TBC1D2: variants seen among roughly 807,000 people sequenced by gnomAD.
TBC1D2 encodes the protein TBC1 domain family member 2, also known as TBC1 domain family member 2A.
TBC1D2 carries 58 observed loss-of-function variants against 91.1 expected under a neutral mutation model. The ratio of observed to expected loss-of-function variants is 0.64; its 90% CI spans 0.52 to 0.79. The LOEUF (loss-of-function observed/expected upper bound fraction) is 0.79. Ranked by LOEUF, TBC1D2 falls within the 30% of genes least tolerant of loss-of-function variation. The pLI is 0.00. For missense variants in TBC1D2, 1,080 were observed against 1,208.3 expected (o/e 0.89, Z 1.57); for synonymous variants, 482 against 511.5 (o/e 0.94, Z 0.78).
rs1217104058 is a variant in TBC1D2 at position 98,199,599 on chromosome 9, G to T, written c.2580-11C>A. On this transcript the variant is annotated splice_polypyrimidine_tract_variant and intron_variant, in intron 12 of 12. Coordinates refer to ENST00000465784, the MANE Select transcript of TBC1D2 (RefSeq NM_001267571.2). ...ATGTTCATCAGCTTCCTGGGAGGAG[G>T]GCACAATCAGCCCAGAGCACGTCAC... The T allele has an allele frequency of 1.2e-6, 2 of 1,613,626 alleles. No individual in the cohort carries two copies. Among genetic ancestry groups the T allele is most frequent in the Non-Finnish European group, 1.7e-6 (2 of 1,179,994 alleles).
chr9:98,240,975 A>G (rs1405241630), intron 3 of TBC1D2, among the ~76,000 whole-genome samples: 1 of 152,156 alleles, frequency 6.6e-6, no homozygotes. Flanking sequence ...CTTGTTCTGA[A>G]AGGATAACCT....
chr9:98,233,649 C>T (rs934229543), intron 3 of TBC1D2, 100 bp from the exon 4 acceptor site: 2 of 1,530,870 alleles, frequency 1.3e-6, no homozygotes, highest in South Asian at 1.3e-5. Context: ...CTCATCCCCA[C>T]ACCCTGTCAT....
intron 6 of TBC1D2, 158 bp from the exon 7 acceptor site, chr9:98,213,376 A>G: frequency 3.5e-6 from 5 of 1,447,794 alleles, no homozygotes; most frequent in Non-Finnish European, 4.5e-6. Context: ...AAATACTCAT[A>G]GCACCCTTCT....
At chr9:98,242,895 CT>C (rs1387778125) in intron 3 of TBC1D2, among the ~76,000 whole-genome samples, 1 of 146,046 alleles carries the variant, frequency 6.8e-6, no homozygotes, top group African/African-American at 2.6e-5. Flanking sequence ...TTACTGCAGC[CT>C]TGACTTCCTG....
chr9:98,199,669 C>T (rs1828433709), intron 12 of TBC1D2, 81 bp from the exon 13 acceptor site: 7 of 1,459,908 alleles, frequency 4.8e-6, no homozygotes, highest in Middle Eastern at 3.5e-4. Flanking sequence ...CAGACATCCC[C>T]GCATTCCTTC....
chr9:98,223,820 A>G (rs1224969054), intron 5 of TBC1D2, among the ~76,000 whole-genome samples: 2 of 152,240 alleles, frequency 1.3e-5, no homozygotes, highest in African/African-American at 4.8e-5. Flanking sequence ...GAGCCTCAGT[A>G]GGACTTGTAA....
At chr9:98,201,783 C>T (rs1326451828) in intron 10 of TBC1D2, 119 bp from the exon 11 acceptor site, 1 of 1,033,416 alleles carries the variant, frequency 9.7e-7, no homozygotes, top group African/African-American at 1.6e-5. Flanking sequence ...TGGGCAGGTC[C>T]TTTCCTGCCC....
rs187331523 is a variant in TBC1D2 at position 98,247,050 on chromosome 9, G to A, written c.512-2921C>T. Among the ~76,000 whole-genome samples the A allele has an allele frequency of 3.9e-5, 6 of 152,034 alleles. No homozygotes were observed. The East Asian group carries it at 1.2e-3, about 29-fold the overall frequency. The stretch of plus-strand genomic sequence containing the variant: ...TAAAAAAAAAAAAAAATCAAGGGCC[G>A]GGCGCAGTGGCTCATGCCTGTAATC... On this transcript the variant is annotated intron_variant, in intron 2 of 12. Transcript: ENST00000465784.
intron 3 of TBC1D2, among the ~76,000 whole-genome samples, chr9:98,235,979 G>A (rs1455878522): frequency 6.6e-6 from 1 of 151,616 alleles, no homozygotes; most frequent in Non-Finnish European, 1.5e-5. Flanking sequence ...AGCTTGCAGT[G>A]AGCCGAGAAA....
intron 7 of TBC1D2, among the ~76,000 whole-genome samples, chr9:98,211,602 G>A (rs965819261): frequency 4.6e-5 from 7 of 152,076 alleles, no homozygotes; most frequent in South Asian, 2.1e-4. Context: ...GGGCCACCCC[G>A]AATCCTATCT....
At chr9:98,218,751 C>T (rs541431523) in intron 6 of TBC1D2, among the ~76,000 whole-genome samples, 11 of 152,152 alleles carry the variant, frequency 7.2e-5, no homozygotes, top group African/African-American at 2.7e-4. Context: ...AGTGCAGTGG[C>T]ACAATCTCAG....
intron 3 of TBC1D2, chr9:98,235,017 AG>A (rs1382299694): frequency 6.1e-6 from 1 of 164,712 alleles, no homozygotes; most frequent in African/African-American, 2.4e-5. Context: ...CAGCCTGGCC[AG>A]GATGGTGAAA....
At chr9:98,218,899 G>A (rs959513795) in intron 6 of TBC1D2, among the ~76,000 whole-genome samples, 10 of 152,308 alleles carry the variant, frequency 6.6e-5, no homozygotes, top group East Asian at 3.9e-4. Context: ...AGTGGATTCC[G>A]GCAGTATGGG....
intron 9 of TBC1D2, among the ~76,000 whole-genome samples, chr9:98,205,170 A>G (rs1828616720): frequency 6.6e-6 from 1 of 152,242 alleles, no homozygotes; most frequent in East Asian, 1.9e-4. Context: ...CCCAAAGTCT[A>G]GCCCAGTGCT....
intron 3 of TBC1D2, chr9:98,234,706 G>A (rs16914121): frequency 0.13 from 19,651 of 152,196 alleles, 2,981 homozygotes; most frequent in African/African-American, 0.37. Context: ...CCCAGTGGTC[G>A]TCATGCGGCG....
In TBC1D2 at chr9:98,224,016, G is replaced by A. The variant is rs536581822; in HGVS notation, c.979-2788C>T. 2.4e-4 allele frequency among the ~76,000 whole-genome samples: 36 copies of A among 151,972 alleles called. 1 individual carries two copies. In the East Asian group the frequency reaches 4.1e-3, roughly 17 times the overall value. On this transcript the variant is annotated intron_variant, in intron 5 of 12. Coordinates refer to ENST00000465784, the MANE Select transcript of TBC1D2 (RefSeq NM_001267571.2). Reference sequence around the variant, plus strand: ...AGATCGAGACCATCCTGGCTAACATGGTGAAACCCCGTCTCTACTAAAAAT... The same window carrying A: ...AGATCGAGACCATCCTGGCTAACATAGTGAAACCCCGTCTCTACTAAAAAT...
rs1829422739 is a variant in TBC1D2, at chr9:98,233,466, C to T, written c.731G>A (p.Gly244Glu). The change falls in exon 4 of 13, where the codon GGG (glycine) becomes GAG (glutamate). Residue 244 changes from glycine to glutamate, a missense_variant. Transcript: ENST00000465784. ...GGGCTGCTCCTCCCTCTGAGGCTCCCCACTCTGTGGAGAATCTTCCCCTGG... is the reference window on the plus strand; with the variant it reads ...GGGCTGCTCCTCCCTCTGAGGCTCCTCACTCTGTGGAGAATCTTCCCCTGG... ...EPPGEDSPQS[G>E]EPQREEQPLA... is the part of the protein sequence containing the mutation. 1 of 1,614,076 alleles carries T rather than the reference C, an allele frequency of 6.2e-7. No individual in the cohort carries two copies. Among genetic ancestry groups the T allele is most frequent in the African/African-American group, 1.3e-5 (1 of 74,934 alleles).
At position 98,210,835 on chromosome 9, in the gene TBC1D2, G is replaced by A. The variant is rs1828817337; in HGVS notation, c.1494C>T (p.Tyr498=). ...KEKALLTKCA[Y]LQARNCQVES... Reference sequence around the variant, plus strand: ...CCACCTGGCAGTTTCTGGCTTGGAGGTAGGCGCACTGCAAACAGGGAAAGG... The same window carrying A: ...CCACCTGGCAGTTTCTGGCTTGGAGATAGGCGCACTGCAAACAGGGAAAGG... Residue 498 remains tyrosine, a synonymous_variant, in exon 8 of 13, where the codon TAC becomes TAT. Transcript: ENST00000465784. 6.4e-7 allele frequency: 1 copy of A among 1,551,428 alleles called. No individual in the cohort carries two copies. The highest frequency in any genetic ancestry group is 2.0e-5 in the Admixed American group (1 of 50,974).
intron 6 of TBC1D2, among the ~76,000 whole-genome samples, chr9:98,218,158 A>C (rs908922638): frequency 6.6e-6 from 1 of 152,076 alleles, no homozygotes; most frequent in Non-Finnish European, 1.5e-5. Context: ...GGCCTTATGC[A>C]ACCCTTTAAA....
Sources: gnomAD v4.1 joint callset for allele counts (sites outside exome capture counted in the v4.1 genomes callset) on GRCh38, gnomAD v4.1.1 for gene constraint, MANE v1.5 for transcripts, NCBI Gene and HGNC (gene_info 2026-07-23, HGNC 2026-07-21) for gene names.